Variants in FCRL5 observed in about 807,000 individuals in gnomAD.
The protein encoded by FCRL5 is Fc receptor-like protein 5.
In FCRL5, 79 loss-of-function variants were observed where a neutral mutation model predicts 92.1. The observed-to-expected ratio is 0.86, with a 90% CI of 0.72 to 1.03. FCRL5 has a LOEUF of 1.03. FCRL5 is among the 50% of genes least tolerant of loss of function. The probability of loss-of-function intolerance (pLI) is 0.00; values close to 1 mark genes in which losing one functional copy is unlikely to be tolerated. For synonymous variants in FCRL5, 466 were observed against 469.3 expected (o/e 0.99, Z 0.09); for missense variants, 1,160 against 1,181.1 (o/e 0.98, Z 0.26).
At chr1:157,541,439 C>T (rs142835730) in intron 6 of FCRL5, among the ~76,000 whole-genome samples, 84 of 152,378 alleles carry the variant, frequency 5.5e-4, no homozygotes, top group African/African-American at 1.9e-3. Flanking sequence ...TAAATATGGT[C>T]TAAACATACC....
At chr1:157,543,220 C>A in intron 5 of FCRL5, 83 bp from the exon 6 acceptor site, 1 of 1,359,662 alleles carries the variant, frequency 7.4e-7, no homozygotes. Flanking sequence ...AATGCCCAGT[C>A]TCCAGTCTCC....
In FCRL5 at chr1:157,513,904, A is replaced by G. The variant is rs978329175; in HGVS notation, c.*1771T>C. 6.6e-6 allele frequency: 1 copy of G among 152,182 alleles called. No individual in the cohort carries two copies. The highest frequency in any genetic ancestry group is 6.5e-5 in the Admixed American group (1 of 15,276). The allele number at this position is 152,182 out of a possible 1,614,324, so 9.4% of individuals were successfully genotyped here. On this transcript the variant is annotated 3_prime_UTR_variant, in exon 17 of 17. Coordinates refer to ENST00000361835, the MANE Select transcript of FCRL5 (RefSeq NM_031281.3). Reference sequence around the variant, plus strand: ...CTTCTTGACTTTCAACTAGGCCTAAAAAAGCGGCCTCGGTGGGAATGCATT... The same window carrying G: ...CTTCTTGACTTTCAACTAGGCCTAAGAAAGCGGCCTCGGTGGGAATGCATT...
At chr1:157,524,904 T>C (rs1458794437) in intron 9 of FCRL5, among the ~76,000 whole-genome samples, 1 of 152,176 alleles carries the variant, frequency 6.6e-6, no homozygotes, top group Non-Finnish European at 1.5e-5. Context: ...TCACCAGGGA[T>C]GTAATTGCAT....
chr1:157,531,580 A>G (rs1334129189), intron 8 of FCRL5, among the ~76,000 whole-genome samples: 1 of 152,240 alleles, frequency 6.6e-6, no homozygotes, highest in Non-Finnish European at 1.5e-5. Context: ...AGTGTCCCCC[A>G]GCAGATGAAT....
At position 157,513,547 on chromosome 1, in the gene FCRL5, G is replaced by C. The variant is rs147361292; in HGVS notation, c.*2128C>G. On this transcript the variant is annotated 3_prime_UTR_variant, in exon 17 of 17. Transcript: ENST00000361835. ...CAAGAAGAGCCATTTTTCAGTTTGCGTCTGAAAGCAGAAAAACTTATGTCC... is the reference window on the plus strand; with the variant it reads ...CAAGAAGAGCCATTTTTCAGTTTGCCTCTGAAAGCAGAAAAACTTATGTCC... 1 of 152,174 alleles carries C rather than the reference G, an allele frequency of 6.6e-6. No individual in the cohort carries two copies. Among genetic ancestry groups the C allele is most frequent in the Non-Finnish European group, 1.5e-5 (1 of 68,032 alleles). The allele number at this position is 152,174 out of a possible 1,614,324, so 9.4% of individuals were successfully genotyped here.
At position 157,526,837 on chromosome 1, in the gene FCRL5, G is replaced by A. The variant is rs1018157889; in HGVS notation, c.1960+780C>T. On this transcript the variant is annotated intron_variant, in intron 9 of 16. Transcript: ENST00000361835. Reference sequence around the variant, plus strand: ...GCTGACGCAAGCAGAAGGCCAGGGGGTGGTTGTCAGATAATAAGGGCTTAA... The same window carrying A: ...GCTGACGCAAGCAGAAGGCCAGGGGATGGTTGTCAGATAATAAGGGCTTAA... Among the ~76,000 whole-genome samples the A allele has an allele frequency of 5.3e-5, 8 of 152,192 alleles. No homozygotes were observed. In the East Asian group the frequency reaches 7.7e-4, roughly 15 times the overall value.
At chr1:157,540,255 C>G (rs1651194246) in intron 6 of FCRL5, among the ~76,000 whole-genome samples, 1 of 152,164 alleles carries the variant, frequency 6.6e-6, no homozygotes, top group Non-Finnish European at 1.5e-5. Context: ...CCCAGCTCCC[C>G]TTGTTGTAGG....
intron 2 of FCRL5, 80 bp downstream of exon 2, chr1:157,549,480 C>T (rs1651711861): frequency 2.3e-6 from 3 of 1,286,202 alleles, no homozygotes; most frequent in East Asian, 2.3e-5. Context: ...TCTCAGGCAG[C>T]CATCACAAAT....
In FCRL5 at chr1:157,515,546, G is replaced by C; in HGVS notation, c.*129C>G. 6.3e-7 allele frequency: 1 copy of C among 1,590,182 alleles called. No individual in the cohort carries two copies. On this transcript the variant is annotated 3_prime_UTR_variant, in exon 17 of 17. Coordinates refer to ENST00000361835, the MANE Select transcript of FCRL5 (RefSeq NM_031281.3). ...GCATTCTGGTCAGACTGAGAATGAG[G>C]ACATGTGAAACAAAGGCCAGTAGAT...
At chr1:157,527,537 CTG>C in intron 9 of FCRL5, 78 bp downstream of exon 9, 1 of 1,403,362 alleles carries the variant, frequency 7.1e-7, no homozygotes, top group East Asian at 2.3e-5. Flanking sequence ...ACTCTAGAAA[CTG>C]TACCTCTGAT....
intron 3 of FCRL5, 138 bp from the exon 4 acceptor site, chr1:157,545,220 T>A: frequency 3.7e-6 from 4 of 1,090,442 alleles, no homozygotes; most frequent in Non-Finnish European, 3.8e-6. Flanking sequence ...TCTTTTTTTC[T>A]GATTTAAAAA....
At chr1:157,518,898 C>G (rs752926433) in intron 13 of FCRL5, 116 bp from the exon 14 acceptor site, 16 of 707,564 alleles carry the variant, frequency 2.3e-5, no homozygotes, top group Non-Finnish European at 3.6e-5. Flanking sequence ...GAAACATGAA[C>G]AAGTACATAA....
At position 157,515,141 on chromosome 1, in the gene FCRL5, C is replaced by T. The variant is rs1558123578; in HGVS notation, c.*534G>A. 2 of 173,436 alleles carry T rather than the reference C, an allele frequency of 1.2e-5. No homozygotes were observed. Among genetic ancestry groups the T allele is most frequent in the Admixed American group, 5.4e-5 (1 of 18,540 alleles). 10.7% of individuals were successfully genotyped at this position (173,436 alleles called of 1,614,324 possible). On this transcript the variant is annotated 3_prime_UTR_variant, in exon 17 of 17. Transcript: ENST00000361835. ...GTGGAGGAGTGTGAAATGCAGCCCC[C>T]GTGGGGAGACCCATCACATGTCCCA...
chr1:157,542,954 A>AAGCTGATGGATGCTCCCCT lies in FCRL5; in HGVS notation c.1009_1027dup (p.Phe343Ter). On this transcript the variant is annotated stop_gained and frameshift_variant, in exon 6 of 17. Transcript: ENST00000361835. LOFTEE classifies it high-confidence loss of function. ...CCCTGAATTCTCTGTAGTCAGTGAG[A>AAGCTGATGGATGCTCCCCT]AGCTGATGGATGCTCCCCTTTCACA... 1 of 1,614,202 alleles carries AAGCTGATGGATGCTCCCCT rather than the reference A, an allele frequency of 6.2e-7. No individual in the cohort carries two copies. Among genetic ancestry groups the AAGCTGATGGATGCTCCCCT allele is most frequent in the Non-Finnish European group, 8.5e-7 (1 of 1,180,034 alleles).
At position 157,514,927 on chromosome 1, in the gene FCRL5, G is replaced by C. The variant is rs1447313058; in HGVS notation, c.*748C>G. On this transcript the variant is annotated 3_prime_UTR_variant, in exon 17 of 17. Coordinates refer to ENST00000361835, the MANE Select transcript of FCRL5 (RefSeq NM_031281.3). ...GTCAAATAGTAATTGAGCACCTCCT[G>C]TGTTCCAGTATGTGTTCTGTCTGCA... The C allele has an allele frequency of 6.6e-6, 1 of 152,472 alleles. No homozygotes were observed. The highest frequency in any genetic ancestry group is 6.5e-5 in the Admixed American group (1 of 15,294). The allele number at this position is 152,472 out of a possible 1,614,324, so 9.4% of individuals were successfully genotyped here.
rs776645783 is a variant in FCRL5 at position 157,547,112 on chromosome 1, TC to T, written c.137del (p.Gly46AspfsTer22). 6.2e-6 allele frequency: 10 copies of T among 1,613,990 alleles called. No individual in the cohort carries two copies. In the South Asian group the frequency reaches 1.1e-4, roughly 18 times the overall value. On this transcript the variant is annotated frameshift_variant, in exon 3 of 17. Coordinates refer to ENST00000361835, the MANE Select transcript of FCRL5 (RefSeq NM_031281.3). LOFTEE classifies it high-confidence loss of function. ...TTTTCTGTGGTGAGTAGAAGCGAAA[TC>T]CCTTGCAAGTGAGGGTCACTCTCTC... ...QGERVTLTCK[G>X]FRFYSPQKTK...
chr1:157,540,277 T>G (rs1361197018), intron 6 of FCRL5, among the ~76,000 whole-genome samples: 6 of 151,260 alleles, frequency 4.0e-5, no homozygotes, highest in African/African-American at 1.2e-4. Context: ...CCTGCCTCTG[T>G]TGTGCAGAGA....
rs778094752 is a variant in FCRL5, at chr1:157,544,342, GAAT to G, written c.761_763del (p.Asp254_Ser255delinsAla). ...TGCTGCCTTACACCAGTAGAACCCT[GAAT>G]CTTTACTCCACATGGCAGTAATCTG... On this transcript the variant is annotated inframe_deletion, in exon 5 of 17. Coordinates refer to ENST00000361835, the MANE Select transcript of FCRL5 (RefSeq NM_031281.3). 1 of 1,614,202 alleles carries G rather than the reference GAAT, an allele frequency of 6.2e-7. No individual in the cohort carries two copies. The highest frequency in any genetic ancestry group is 2.2e-5 in the East Asian group (1 of 44,878).
rs370742794 is a variant in FCRL5 at position 157,515,760 on chromosome 1, G to C, written c.2849C>G (p.Ser950Cys). 1 of 1,601,986 alleles carries C rather than the reference G, an allele frequency of 6.2e-7. No homozygotes were observed. Among genetic ancestry groups the C allele is most frequent in the African/African-American group, 1.4e-5 (1 of 74,056 alleles). ...SDPRHLRNKG[S>C]PIIYSEVKVA... ...CTTAACTTCAGAGTAGATGATAGGG[G>C]AACCCTAGGAGGCAAGAGCACATGC... is the stretch of plus-strand genomic sequence containing the variant. Residue 950 changes from serine to cysteine, a missense_variant, in exon 17 of 17, where the codon TCC becomes TGC. Coordinates refer to ENST00000361835, the MANE Select transcript of FCRL5 (RefSeq NM_031281.3).
Sources: gnomAD v4.1 joint callset for allele counts (sites outside exome capture counted in the v4.1 genomes callset) on GRCh38, gnomAD v4.1.1 for gene constraint, MANE v1.5 for transcripts, NCBI Gene and HGNC (gene_info 2026-07-23, HGNC 2026-07-21) for gene names.